TNRC6A: variants seen among roughly 807,000 people sequenced by gnomAD.
TNRC6A encodes the protein trinucleotide repeat-containing gene 6A protein.
A neutral mutation model predicts 221.2 loss-of-function variants in TNRC6A; 44 were observed. The observed-to-expected ratio is 0.20, with a 90% CI of 0.16 to 0.26. The LOEUF (loss-of-function observed/expected upper bound fraction) is 0.26, where lower values mean the gene tolerates loss of function less well. Ranked by LOEUF, TNRC6A falls within the 10% of genes least tolerant of loss-of-function variation. The pLI, the probability that TNRC6A is intolerant of heterozygous loss-of-function variation, is 1.00. For synonymous variants in TNRC6A, 847 were observed against 838.5 expected, an observed-to-expected ratio of 1.01 and a Z score of -0.18; for missense variants, 2,199 against 2,404.4, an observed-to-expected ratio of 0.91 and a Z score of 1.79.
rs59374851 is a variant in TNRC6A, at chr16:24,713,256, A to G, written n.403-37470A>G. Reference sequence around the variant, plus strand: ...AACATGGCAAAACCCCGCCTCTACTAAAAATACAAAAATCAGCTGAGCATG... The same window carrying G: ...AACATGGCAAAACCCCGCCTCTACTGAAAATACAAAAATCAGCTGAGCATG... On this transcript the variant is annotated intron_variant and non_coding_transcript_variant, in intron 2 of 2. Transcript: ENST00000566108. Among the ~76,000 whole-genome samples the G allele has an allele frequency of 9.1e-4, 138 of 152,034 alleles. 1 individual carries two copies. In the East Asian group the frequency reaches 0.025, roughly 28 times the overall value.
upstream of TNRC6A, among the ~76,000 whole-genome samples, chr16:24,728,164 TG>T (rs1326305931): frequency 6.6e-6 from 1 of 152,102 alleles, no homozygotes; most frequent in Non-Finnish European, 1.5e-5. Flanking sequence ...TAAAGCCAGT[TG>T]AAGCTGGGCG....
intron 2 of TNRC6A, among the ~76,000 whole-genome samples, chr16:24,695,526 A>G (rs57010594): frequency 6.6e-6 from 1 of 151,956 alleles, no homozygotes. Context: ...CAGCATCCTC[A>G]GTAGCTGGGA....
intron 5 of TNRC6A, among the ~76,000 whole-genome samples, chr16:24,786,400 A>C (rs2057969816): frequency 6.6e-6 from 1 of 151,680 alleles, no homozygotes; most frequent in African/African-American, 2.4e-5. Context: ...ATCTTGGCTC[A>C]CTGCAAGCTC....
chr16:24,679,444 C>T (rs116055421), intron 2 of TNRC6A, among the ~76,000 whole-genome samples: 1,882 of 152,164 alleles, frequency 0.012, 44 homozygotes, highest in African/African-American at 0.042. Context: ...GCTGAGACTA[C>T]AGGCACATAC....
At chr16:24,767,959 C>T (rs1289346918) in intron 4 of TNRC6A, among the ~76,000 whole-genome samples, 1 of 152,182 alleles carries the variant, frequency 6.6e-6, no homozygotes, top group African/African-American at 2.4e-5. Flanking sequence ...CAGACTTACT[C>T]AGACATGAGA....
chr16:24,729,232 A>C (rs2056547432), upstream of TNRC6A, among the ~76,000 whole-genome samples: 1 of 151,808 alleles, frequency 6.6e-6, no homozygotes, highest in Non-Finnish European at 1.5e-5. Flanking sequence ...AAATAATTAG[A>C]AGTGGCTGAA....
Position 24,822,830 on chromosome 16 carries a change from C to T in TNRC6A, c.5374-44C>T, listed in dbSNP as rs888761532. ...AGCCTGAAACAGCCTCCTGGAGGGC[C>T]CGCGGTGACGCCTCTCACTGGCAGT... On this transcript the variant is annotated intron_variant, in intron 23 of 24. Coordinates refer to ENST00000395799, the MANE Select transcript of TNRC6A (RefSeq NM_014494.4). The T allele has an allele frequency of 3.1e-6, 5 of 1,610,832 alleles. No homozygotes were observed. In the Admixed American group the frequency reaches 6.7e-5, roughly 21 times the overall value.
intron 2 of TNRC6A, among the ~76,000 whole-genome samples, chr16:24,737,745 C>T (rs985794402): frequency 2.0e-5 from 3 of 152,182 alleles, no homozygotes; most frequent in African/African-American, 7.2e-5. Flanking sequence ...ACTTATTGAG[C>T]AGTTTGCTGC....
intron 11 of TNRC6A, among the ~76,000 whole-genome samples, chr16:24,801,486 A>C (rs1221120277): frequency 6.6e-6 from 1 of 151,490 alleles, no homozygotes; most frequent in Non-Finnish European, 1.5e-5. Context: ...AAAGGGATGC[A>C]GAAGTGTTGG....
intron 2 of TNRC6A, among the ~76,000 whole-genome samples, chr16:24,687,923 T>TCTTTTCTTTTCTTTTCTTTC (rs2055671323): frequency 1.0e-5 from 1 of 99,384 alleles, no homozygotes; most frequent in Non-Finnish European, 1.9e-5. Context: ...TCTTTTCTTT[T>TCTTTTCTTTTCTTTTCTTTC]CTTTTCTTTT....
At chr16:24,657,447 T>C (rs1299530619) in intron 2 of TNRC6A, among the ~76,000 whole-genome samples, 1 of 151,340 alleles carries the variant, frequency 6.6e-6, no homozygotes, top group East Asian at 2.0e-4. Context: ...AGGCGGCTCA[T>C]GCCTGTAATC....
intron 2 of TNRC6A, among the ~76,000 whole-genome samples, chr16:24,736,892 A>G (rs142079034): frequency 5.9e-5 from 9 of 152,360 alleles, no homozygotes; most frequent in Non-Finnish European, 1.0e-4. Context: ...TACTGCTTTT[A>G]TGAAGATTTA....
intron 4 of TNRC6A, among the ~76,000 whole-genome samples, chr16:24,769,517 A>G (rs1230210632): frequency 1.3e-5 from 2 of 150,800 alleles, no homozygotes; most frequent in African/African-American, 2.4e-5. Context: ...CTAGATATCT[A>G]TGTTTTATCC....
chr16:24,679,676 C>T (rs1481801830), intron 2 of TNRC6A, among the ~76,000 whole-genome samples: 1 of 151,904 alleles, frequency 6.6e-6, no homozygotes, highest in Non-Finnish European at 1.5e-5. Context: ...AAGGTTTTAC[C>T]ACGTTGCCCA....
Position 24,803,086 on chromosome 16 carries a change from C to T in TNRC6A, c.3695-1091C>T, listed in dbSNP as rs376412511. 7.9e-5 allele frequency among the ~76,000 whole-genome samples: 12 copies of T among 152,180 alleles called. 1 individual carries two copies. Among genetic ancestry groups the T allele is most frequent in the African/African-American group, 2.4e-4 (10 of 41,502 alleles). On this transcript the variant is annotated intron_variant, in intron 11 of 24. Transcript: ENST00000395799. ...CCAGTTTCCTCATCTGCTAAAAGGG[C>T]GATAACAGTAGAGTTACAAACATTA...
intron 17 of TNRC6A, among the ~76,000 whole-genome samples, chr16:24,807,008 CTT>C (rs770899112): frequency 1.5e-4 from 21 of 140,932 alleles, no homozygotes; most frequent in Admixed American, 2.9e-4. Context: ...CTTTCCTTTT[CTT>C]TTTTTTTTTT....
At chr16:24,784,867 G>A (rs537722358) in intron 5 of TNRC6A, among the ~76,000 whole-genome samples, 1 of 152,242 alleles carries the variant, frequency 6.6e-6, no homozygotes, top group African/African-American at 2.4e-5. Context: ...ATATTCAGGC[G>A]TTTGCTTTTT....
intron 11 of TNRC6A, chr16:24,798,244 G>C: frequency 4.0e-6 from 1 of 250,926 alleles, no homozygotes. Flanking sequence ...GGAACAGCAC[G>C]TAGAAGGGCC....
At chr16:24,815,511 T>C (rs990529349) in intron 19 of TNRC6A, 34 of 595,626 alleles carry the variant, frequency 5.7e-5, no homozygotes, top group Non-Finnish European at 1.0e-4. Flanking sequence ...GCCTTTATGC[T>C]CAAGCAGCAG....
Sources: gnomAD v4.1 joint callset for allele counts (sites outside exome capture counted in the v4.1 genomes callset) on GRCh38, gnomAD v4.1.1 for gene constraint, MANE v1.5 for transcripts, NCBI Gene and HGNC (gene_info 2026-07-23, HGNC 2026-07-21) for gene names.